ZFHX3: variants seen among roughly 807,000 people sequenced by gnomAD.
ZFHX3 encodes the protein zinc finger homeobox protein 3.
Under a neutral mutation model 279.1 loss-of-function variants are expected in ZFHX3, and 42 were observed. The observed-to-expected ratio is 0.15, with a 90% CI of 0.12 to 0.19. ZFHX3 has a LOEUF of 0.19. Among genes scored for constraint, ZFHX3 ranks in the 10% least tolerant of loss-of-function variants. The probability of loss-of-function intolerance (pLI) is 1.00; values close to 1 mark genes in which losing one functional copy is unlikely to be tolerated. For missense variants in ZFHX3, 4,981 were observed against 4,754.0 expected (o/e 1.05, Z -1.40); for synonymous variants, 2,293 against 1,957.8 (o/e 1.17, Z -4.52).
At position 73,153,315 on chromosome 16, in the gene ZFHX3, C is replaced by T. The variant is rs150630603; in HGVS notation, c.-1103-9484G>A. Among the ~76,000 whole-genome samples the T allele has an allele frequency of 5.6e-3, 857 of 152,296 alleles. 4 individuals carry two copies. Among genetic ancestry groups the T allele is most frequent in the Middle Eastern group, 0.044 (13 of 294 alleles). On this transcript the variant is annotated intron_variant, in intron 5 of 17. Transcript: ENST00000641206. ...TTATGTTTTTAGAGACAAGGTGTCT[C>T]CCTACGTTGCCTAGGCTGATCTCAA...
intron 3 of ZFHX3, among the ~76,000 whole-genome samples, chr16:73,333,766 T>A (rs1241422872): frequency 1.6e-5 from 2 of 128,008 alleles, no homozygotes. Context: ...ACAAATCAGA[T>A]GTGGGATGAG....
At chr16:73,121,036 G>A (rs536980846) in intron 7 of ZFHX3, among the ~76,000 whole-genome samples, 17 of 152,250 alleles carry the variant, frequency 1.1e-4, no homozygotes, top group Admixed American at 2.6e-4. Context: ...CTAGCCATGC[G>A]TGGCTATGGA....
chr16:73,780,048 AC>A, intron 1 of ZFHX3, among the ~76,000 whole-genome samples: 1 of 140,626 alleles, frequency 7.1e-6, no homozygotes, highest in South Asian at 2.4e-4. Context: ...TGAAGTCATG[AC>A]TGAGATAGCT....
chr16:73,636,413 A>G (rs1454801727), intron 2 of ZFHX3, among the ~76,000 whole-genome samples: 1 of 152,200 alleles, frequency 6.6e-6, no homozygotes, highest in Non-Finnish European at 1.5e-5. Flanking sequence ...CCAAAGCAAT[A>G]AGATAAGAAA....
chr16:73,269,218 T>C (rs1178934859), intron 4 of ZFHX3, among the ~76,000 whole-genome samples: 1 of 152,174 alleles, frequency 6.6e-6, no homozygotes, highest in African/African-American at 2.4e-5. Flanking sequence ...AGTGTATGGA[T>C]CTATGAGTTT....
chr16:72,889,787 T>A lies in ZFHX3; in HGVS notation c.3392A>T (p.Glu1131Val), dbSNP rs1166998074. ...LQRLQKGLPEEDEDLGQIFTI... is the reference protein window; with the variant it reads ...LQRLQKGLPEVDEDLGQIFTI... ...GAAGATCTGCCCCAGGTCCTCGTCC[T>A]CCTCTGGAAGGCCCTTCTGCAGCCG... Residue 1131 changes from glutamate to valine, a missense_variant, in exon 4 of 10, where the codon GAG becomes GTG. By Grantham distance (121) the Glu-to-Val change is moderately radical (BLOSUM62 -2). Coordinates refer to ENST00000268489, the MANE Select transcript of ZFHX3 (RefSeq NM_006885.4). 6.2e-7 allele frequency: 1 copy of A among 1,613,496 alleles called. No homozygotes were observed. The highest frequency in any genetic ancestry group is 8.5e-7 in the Non-Finnish European group (1 of 1,180,028).
rs569328616 is a variant in ZFHX3, at chr16:72,925,883, C to G, written c.3216+24586G>C. ...ATGCAAAGAGGCACAGACTGCTACT[C>G]CCCTGTCCCCCACTACTCATTATAT... On this transcript the variant is annotated intron_variant, in intron 3 of 9. Coordinates refer to ENST00000268489, the MANE Select transcript of ZFHX3 (RefSeq NM_006885.4). Among the ~76,000 whole-genome samples the G allele has an allele frequency of 3.9e-5, 6 of 152,316 alleles. No individual in the cohort carries two copies. The East Asian group carries it at 1.2e-3, about 29-fold the overall frequency.
At position 73,320,396 on chromosome 16, in the gene ZFHX3, C is replaced by A. The variant is rs565636866; in HGVS notation, c.-1290-2060G>T. 2.0e-5 allele frequency among the ~76,000 whole-genome samples: 3 copies of A among 152,290 alleles called. No homozygotes were observed. In the South Asian group the frequency reaches 6.2e-4, roughly 32 times the overall value. On this transcript the variant is annotated intron_variant, in intron 3 of 17. Transcript: ENST00000641206. ...CCACTTAAATAAAATACTCTAATAA[C>A]CGCGAGGGTGGCAAATTACACGGCA...
intron 4 of ZFHX3, among the ~76,000 whole-genome samples, chr16:72,886,428 C>T (rs1765082860): frequency 1.3e-5 from 2 of 152,198 alleles, no homozygotes; most frequent in South Asian, 4.2e-4. Context: ...ATGAGAGGAA[C>T]CTCGAAGGCA....
chr16:73,473,307 A>C (rs2018701642), intron 2 of ZFHX3, among the ~76,000 whole-genome samples: 2 of 141,386 alleles, frequency 1.4e-5, no homozygotes, highest in Admixed American at 1.4e-4. Flanking sequence ...ATGGCACTCC[A>C]GCCCTGGAGA....
chr16:72,834,000 AC>A (rs2037125487), intron 4 of ZFHX3, among the ~76,000 whole-genome samples: 1 of 152,200 alleles, frequency 6.6e-6, no homozygotes. Flanking sequence ...AAATCCCAGC[AC>A]TTTGAGAGGC....
intron 2 of ZFHX3, among the ~76,000 whole-genome samples, chr16:73,523,206 A>AT (rs1438533526): frequency 6.6e-6 from 1 of 152,194 alleles, no homozygotes; most frequent in Admixed American, 6.5e-5. Context: ...AATTTGGCAA[A>AT]TTTGTTATTC....
intron 5 of ZFHX3, among the ~76,000 whole-genome samples, chr16:73,221,264 C>T (rs954893908): frequency 6.6e-6 from 1 of 151,902 alleles, no homozygotes; most frequent in African/African-American, 2.4e-5. Context: ...AATTTGTAAA[C>T]TGCAAAAAAA....
At chr16:73,477,696 C>T (rs2018788275) in intron 2 of ZFHX3, among the ~76,000 whole-genome samples, 1 of 152,214 alleles carries the variant, frequency 6.6e-6, no homozygotes, top group African/African-American at 2.4e-5. Flanking sequence ...TCACTTCTCA[C>T]CTGGAGAACC....
At chr16:73,687,223 T>C (rs2053097933) in intron 1 of ZFHX3, among the ~76,000 whole-genome samples, 1 of 140,998 alleles carries the variant, frequency 7.1e-6, no homozygotes, top group Admixed American at 7.2e-5. Context: ...ACCCCATCTC[T>C]AAAAAAAAAA....
At chr16:72,936,415 C>CAA (rs1440710137) in intron 3 of ZFHX3, among the ~76,000 whole-genome samples, 1 of 152,156 alleles carries the variant, frequency 6.6e-6, no homozygotes, top group Non-Finnish European at 1.5e-5. Context: ...AATGAACAGA[C>CAA]AAGAAAAATA....
intron 3 of ZFHX3, among the ~76,000 whole-genome samples, chr16:73,454,826 T>C (rs1424416314): frequency 6.6e-6 from 1 of 152,084 alleles, no homozygotes; most frequent in Non-Finnish European, 1.5e-5. Context: ...TTCTATAATG[T>C]TATGCAAATA....
At chr16:73,102,228 G>A (rs1025770625) in intron 7 of ZFHX3, among the ~76,000 whole-genome samples, 2 of 152,032 alleles carry the variant, frequency 1.3e-5, no homozygotes, top group African/African-American at 2.4e-5. Flanking sequence ...CCATCCTCAC[G>A]ATTGCTCTTG....
intron 3 of ZFHX3, among the ~76,000 whole-genome samples, chr16:73,356,150 T>G (rs1401630798): frequency 6.6e-6 from 1 of 152,222 alleles, no homozygotes; most frequent in Non-Finnish European, 1.5e-5. Flanking sequence ...GAATGGGCAC[T>G]TTCTGAATGG....
Sources: gnomAD v4.1 joint callset for allele counts (sites outside exome capture counted in the v4.1 genomes callset) on GRCh38, gnomAD v4.1.1 for gene constraint, MANE v1.5 for transcripts, NCBI Gene and HGNC (gene_info 2026-07-23, HGNC 2026-07-21) for gene names.